SZT2: variants seen among roughly 807,000 people sequenced by gnomAD.
The protein encoded by SZT2 is SZT2 subunit of KICSTOR complex, also known as KICSTOR complex protein SZT2.
In SZT2, 216 loss-of-function variants were observed where a neutral mutation model predicts 404.2. The observed-to-expected ratio is 0.53, with a 90% CI of 0.48 to 0.60. The LOEUF is 0.60. SZT2 is among the 20% of genes least tolerant of loss of function. SZT2 has a pLI of 0.00. For synonymous variants in SZT2, 1,693 were observed against 1,749.9 expected, an observed-to-expected ratio of 0.97 and a Z score of 0.81; for missense variants, 3,857 against 4,459.2, an observed-to-expected ratio of 0.86 and a Z score of 3.85.
rs201151525 is a variant in SZT2, at chr1:43,439,124, A to G, written c.6792+31A>G. On this transcript the variant is annotated intron_variant, in intron 48 of 71. Transcript: ENST00000634258. The surrounding 1 kb of genome is among the most constrained non-coding windows in gnomAD (Gnocchi z 4.2). Reference sequence around the variant, plus strand: ...ATGGCACTCATCTCTCTCCACACTCATGTGCACCCCTGCCCCCTGCCCCAC... The same window carrying G: ...ATGGCACTCATCTCTCTCCACACTCGTGTGCACCCCTGCCCCCTGCCCCAC... 1.9e-5 allele frequency: 30 copies of G among 1,613,310 alleles called. No individual in the cohort carries two copies. Among genetic ancestry groups the G allele is most frequent in the South Asian group, 2.2e-5 (2 of 91,058 alleles).
intron 29 of SZT2, 56 bp from the exon 30 acceptor site, chr1:43,429,955 T>G (rs1429256275): frequency 6.2e-7 from 1 of 1,611,710 alleles, no homozygotes; most frequent in Non-Finnish European, 8.5e-7. Context: ...GGGTAGGGAG[T>G]AGTATCCTGT....
chr1:43,432,081 AC>A (rs1557571757), intron 36 of SZT2, among the ~76,000 whole-genome samples, 180 bp downstream of exon 36: 1 of 152,156 alleles, frequency 6.6e-6, no homozygotes, highest in Non-Finnish European at 1.5e-5. Flanking sequence ...CTGGAAAGAA[AC>A]CCAGCTCCCA....
At position 43,437,372 on chromosome 1, in the gene SZT2, A is replaced by C. The variant is rs756324815; in HGVS notation, c.6188-34A>C. 3.1e-6 allele frequency: 5 copies of C among 1,613,926 alleles called. No homozygotes were observed. Among genetic ancestry groups the C allele is most frequent in the East Asian group, 2.2e-5 (1 of 44,878 alleles). On this transcript the variant is annotated intron_variant, in intron 43 of 71. Coordinates refer to ENST00000634258, the MANE Select transcript of SZT2 (RefSeq NM_001365999.1). This position sits in a 1 kb window ranked among gnomAD's most constrained non-coding sequence, Gnocchi z 5.3. ...AGGTGAGCATTGGAAGGATCTGGAAAAGGCAGTTTCCTGAGCCCATGTTAT... is the reference window on the plus strand; with the variant it reads ...AGGTGAGCATTGGAAGGATCTGGAACAGGCAGTTTCCTGAGCCCATGTTAT...
In SZT2 at chr1:43,420,354, A is replaced by G. The variant is rs746314701; in HGVS notation, c.1261+31A>G. 10 of 1,526,614 alleles carry G rather than the reference A, an allele frequency of 6.6e-6. No individual in the cohort carries two copies. The Admixed American group carries it at 1.5e-4, about 22-fold the overall frequency. The allele number at this position is 1,526,614 out of a possible 1,614,324, so 94.6% of individuals were successfully genotyped here. A position where few individuals can be genotyped will look rare whatever the true frequency, so the allele number is the denominator to read the frequency against. ...GGTCATTAGGCCCTGCTGTAATCCC[A>G]TAGATCTCTCAAGAATTTGTGTGTG... On this transcript the variant is annotated intron_variant, in intron 9 of 71. Coordinates refer to ENST00000634258, the MANE Select transcript of SZT2 (RefSeq NM_001365999.1). The surrounding 1 kb of genome is among the most constrained non-coding windows in gnomAD (Gnocchi z 5.1).
Position 43,428,360 on chromosome 1 carries a change from G to A in SZT2, c.4040G>A (p.Cys1347Tyr). The A allele has an allele frequency of 1.2e-6, 2 of 1,614,174 alleles. No homozygotes were observed. The highest frequency in any genetic ancestry group is 1.3e-5 in the African/African-American group (1 of 75,030). Reference protein sequence around the residue: ...IDITPFLLALCGHTWGLPHAP... With the variant: ...IDITPFLLALYGHTWGLPHAP... ...ATCACCCCATTTCTCCTTGCATTGT[G>A]TGGCCACACTTGGGGTTTGCCTCAT... The change falls in exon 28 of 72, where the codon TGT becomes TAT. Residue 1347 changes from cysteine to tyrosine, a missense_variant. Around this residue, in one of 7 missense-constraint regions of SZT2, gnomAD observed 1,725 missense variants for 1,881.0 expected, o/e 0.92. Coordinates refer to ENST00000634258, the MANE Select transcript of SZT2 (RefSeq NM_001365999.1).
rs1557611060 is a variant in SZT2 at position 43,450,835 on chromosome 1, CT to C, written c.*356del. 1 of 710,984 alleles carries C rather than the reference CT, an allele frequency of 1.4e-6. No individual in the cohort carries two copies. Among genetic ancestry groups the C allele is most frequent in the East Asian group, 2.8e-5 (1 of 35,936 alleles). The allele number at this position is 710,984 out of a possible 1,614,324, so 44.0% of individuals were successfully genotyped here. Reference sequence around the variant, plus strand: ...AGCTCCTCTGCCTGAATCCTGCCCCCTAGCCTTTGACCACTGTCAGCCACCT... The same window carrying C: ...AGCTCCTCTGCCTGAATCCTGCCCCCAGCCTTTGACCACTGTCAGCCACCT... On this transcript the variant is annotated 3_prime_UTR_variant, in exon 72 of 72. Transcript: ENST00000634258. The surrounding 1 kb of genome is among the most constrained non-coding windows in gnomAD (Gnocchi z 4.3).
rs755773571 is a variant in SZT2 at position 43,424,804 on chromosome 1, T to C, written c.2492T>C (p.Phe831Ser). The change falls in exon 17 of 72, where the codon TTC (phenylalanine) becomes TCC (serine). Residue 831 changes from phenylalanine (F) to serine (S), a missense_variant. This residue lies in a region of SZT2 where 1,725 missense variants were observed against 1,881.0 expected (regional missense o/e 0.92). Transcript: ENST00000634258. This position sits in a 1 kb window ranked among gnomAD's most constrained non-coding sequence, Gnocchi z 4.1. ...TTCAGAGTCCGACTTTCTGAAGGAT[T>C]CCACTTCGCCTGCAGTGGGGAAGGA... ...ILTEVRLSEGFHFACSGEGII... is the reference protein window; with the variant it reads ...ILTEVRLSEGSHFACSGEGII... 2 of 1,614,068 alleles carry C rather than the reference T, an allele frequency of 1.2e-6. No homozygotes were observed. The highest frequency in any genetic ancestry group is 1.7e-6 in the Non-Finnish European group (2 of 1,179,936).
Position 43,448,198 on chromosome 1 carries a change from C to A in SZT2, c.9683C>A (p.Ser3228Ter). ...CCTGAGCCAGAGGCTCCTGGGAGTT[C>A]AGCTGGCAGCCCTGGGGAGGCCTCA... Reference protein sequence around the residue: ...LPPEPEAPGSSAGSPGEASGL... With the variant: ...LPPEPEAPGS The change falls in exon 69 of 72, where the codon TCA (serine) becomes TAA (stop). Residue 3228 changes from serine (S) to a stop codon, truncating the protein, a stop_gained. Transcript: ENST00000634258. LOFTEE classifies it high-confidence loss of function. The surrounding 1 kb of genome is among the most constrained non-coding windows in gnomAD (Gnocchi z 4.2). 6.2e-7 allele frequency: 1 copy of A among 1,610,924 alleles called. No individual in the cohort carries two copies. The highest frequency in any genetic ancestry group is 8.5e-7 in the Non-Finnish European group (1 of 1,178,354).
Position 43,453,501 on chromosome 1 carries a change from CAG to C in SZT2, c.*3027_*3028del, listed in dbSNP as rs1423995034. The C allele has an allele frequency of 2.0e-5, 31 of 1,548,926 alleles. No individual in the cohort carries two copies. Among genetic ancestry groups the C allele is most frequent in the Non-Finnish European group, 2.4e-5 (28 of 1,145,502 alleles). ...ATTTCCCCCTTCTCTTGGTCTCCTGCAGAGAGAACGGGCCTCAGCCCCCGGCT... is the reference window on the plus strand; with the variant it reads ...ATTTCCCCCTTCTCTTGGTCTCCTGCAGAGAACGGGCCTCAGCCCCCGGCT... On this transcript the variant is annotated 3_prime_UTR_variant, in exon 72 of 72. Transcript: ENST00000634258.
rs1570647831 is a variant in SZT2 at position 43,425,988 on chromosome 1, T to C, written c.2929+39T>C. On this transcript the variant is annotated intron_variant, in intron 20 of 71. Transcript: ENST00000634258. The surrounding 1 kb of genome is among the most constrained non-coding windows in gnomAD (Gnocchi z 4.3). Reference sequence around the variant, plus strand: ...GCGGCCCACTGGTGGAGCAGGGGAGTGGGTAGGGTAATCTGCGTCTCACTG... The same window carrying C: ...GCGGCCCACTGGTGGAGCAGGGGAGCGGGTAGGGTAATCTGCGTCTCACTG... 2 of 1,610,352 alleles carry C rather than the reference T, an allele frequency of 1.2e-6. No individual in the cohort carries two copies. Among genetic ancestry groups the C allele is most frequent in the Non-Finnish European group, 1.7e-6 (2 of 1,177,878 alleles).
intron 70 of SZT2, 163 bp from the exon 71 acceptor site, chr1:43,449,940 A>AG: frequency 1.3e-6 from 1 of 776,232 alleles, no homozygotes; most frequent in Non-Finnish European, 2.2e-6. Context: ...AGCGAGGATG[A>AG]GGACTGAGGC....
Position 43,441,367 on chromosome 1 carries a change from G to A in SZT2, c.7498G>A (p.Ala2500Thr), listed in dbSNP as rs905112099. ...AERAPGSDSG[A>T]QRQKRRTTQL... ...GCGGGCGCCAGGCTCAGATTCTGGA[G>A]CCCAGAGACAAAAGTATGTGTGTGG... Residue 2500 changes from alanine to threonine, a missense_variant, in exon 53 of 72, where the codon GCC becomes ACC. Coordinates refer to ENST00000634258, the MANE Select transcript of SZT2 (RefSeq NM_001365999.1). The surrounding 1 kb of genome is among the most constrained non-coding windows in gnomAD (Gnocchi z 4.8). 1 of 1,614,148 alleles carries A rather than the reference G, an allele frequency of 6.2e-7. No individual in the cohort carries two copies. Among genetic ancestry groups the A allele is most frequent in the Middle Eastern group, 1.6e-4 (1 of 6,062 alleles).
In SZT2 at chr1:43,453,702, C is replaced by T; in HGVS notation, c.*3222C>T. The T allele has an allele frequency of 7.0e-7, 1 of 1,421,450 alleles. No homozygotes were observed. The highest frequency in any genetic ancestry group is 3.0e-5 in the East Asian group (1 of 33,338). 88.1% of individuals were successfully genotyped at this position (1,421,450 alleles called of 1,614,324 possible). ...CCAGGCCACCTCGACGGCCTCGAAGCCCGAGCTGCCCGCGGCCCGCACCCG... is the reference window on the plus strand; with the variant it reads ...CCAGGCCACCTCGACGGCCTCGAAGTCCGAGCTGCCCGCGGCCCGCACCCG... On this transcript the variant is annotated 3_prime_UTR_variant, in exon 72 of 72. Coordinates refer to ENST00000634258, the MANE Select transcript of SZT2 (RefSeq NM_001365999.1).
chr1:43,422,093 T>C lies in SZT2; in HGVS notation c.1637T>C (p.Leu546Pro). Residue 546 changes from leucine (L) to proline (P), a missense_variant, in exon 12 of 72, where the codon CTC becomes CCC. Leu to Pro is a moderately conservative substitution (Grantham distance 98). This residue lies in a region of SZT2 where 39 missense variants were observed against 89.7 expected (regional missense o/e 0.43). Transcript: ENST00000634258. ...PPGSTTPVLSLQPSGSDSSHA... is the reference protein window; with the variant it reads ...PPGSTTPVLSPQPSGSDSSHA... Reference sequence around the variant, plus strand: ...CCTTCCTGTCCTCAGGTGCTCTCCCTCCAGCCCAGTGGTTCTGACTCATCC... The same window carrying C: ...CCTTCCTGTCCTCAGGTGCTCTCCCCCCAGCCCAGTGGTTCTGACTCATCC... The C allele has an allele frequency of 6.3e-7, 1 of 1,595,918 alleles. No individual in the cohort carries two copies. Among genetic ancestry groups the C allele is most frequent in the Non-Finnish European group, 8.5e-7 (1 of 1,177,780 alleles).
chr1:43,392,539 C>T (rs1024272448), intron 1 of SZT2, among the ~76,000 whole-genome samples: 13 of 152,082 alleles, frequency 8.5e-5, no homozygotes, highest in Non-Finnish European at 1.6e-4. Context: ...CTCAGCCTCC[C>T]AAGTAGCTGG....
chr1:43,421,369 C>T, intron 11 of SZT2, 66 bp downstream of exon 11: 1 of 1,568,338 alleles, frequency 6.4e-7, no homozygotes, highest in Non-Finnish European at 8.6e-7. Flanking sequence ...ATCTGGAGCC[C>T]AGGACCACCA....
chr1:43,429,855 TG>T lies in SZT2; in HGVS notation c.4308+14del, dbSNP rs2153933748. The T allele has an allele frequency of 6.2e-7, 1 of 1,613,970 alleles. No individual in the cohort carries two copies. ...CATAGCGTCATCCAGGTGGGAAGCT[TG>T]GGTGAGGGTAGAAGAGGTGTTAGAG... On this transcript the variant is annotated intron_variant, in intron 29 of 71. Transcript: ENST00000634258.
chr1:43,447,565 C>T lies in SZT2; in HGVS notation c.9307C>T (p.Pro3103Ser), dbSNP rs1655829011. The change falls in exon 67 of 72, where the codon CCA becomes TCA. Residue 3103 changes from proline to serine, a missense_variant. Physicochemically the swap from Pro to Ser is moderately conservative, Grantham distance 74. Coordinates refer to ENST00000634258, the MANE Select transcript of SZT2 (RefSeq NM_001365999.1). ...IYQGTLELPT[P>S]LIAAHQLYNY... The stretch of plus-strand genomic sequence containing the variant: ...CTCAGGGACATTGGAGCTCCCCACA[C>T]CACTCATTGCTGCCCACCAGCTATA... 2 of 1,614,008 alleles carry T rather than the reference C, an allele frequency of 1.2e-6. No individual in the cohort carries two copies. The highest frequency in any genetic ancestry group is 8.5e-7 in the Non-Finnish European group (1 of 1,180,026).
At position 43,451,979 on chromosome 1, in the gene SZT2, G is replaced by A. The variant is rs1266082560; in HGVS notation, c.*1499G>A. 2 of 1,611,380 alleles carry A rather than the reference G, an allele frequency of 1.2e-6. No homozygotes were observed. Among genetic ancestry groups the A allele is most frequent in the Non-Finnish European group, 1.7e-6 (2 of 1,178,210 alleles). On this transcript the variant is annotated 3_prime_UTR_variant, in exon 72 of 72. Transcript: ENST00000634258. ...GAAGTACTGGGGGTCAGTGATGCGG[G>A]TGTTGATGGGCTCCAGCAGTCCCAC...
Sources: allele counts gnomAD v4.1 joint callset (sites outside exome capture counted in the v4.1 genomes callset), GRCh38; gene constraint gnomAD v4.1.1; regional missense constraint gnomAD v4.1.1; non-coding constraint Gnocchi (gnomAD v3.1); transcripts MANE v1.5; gene names NCBI Gene and HGNC (gene_info 2026-07-23, HGNC 2026-07-21).